Variants in ASTN2 observed in about 807,000 individuals in gnomAD.
ASTN2 encodes the protein astrotactin-2.
A neutral mutation model predicts 139.8 loss-of-function variants in ASTN2; 54 were observed. That is an observed-to-expected ratio of 0.39 (90% CI 0.31 to 0.48). ASTN2 has a LOEUF of 0.48. ASTN2 is among the 20% of genes least tolerant of loss of function. ASTN2 has a pLI of 0.95. For missense variants in ASTN2, 1,565 were observed against 1,725.1 expected (o/e 0.91, Z 1.64); for synonymous variants, 756 against 719.5 (o/e 1.05, Z -0.81).
At chr9:117,325,617 G>A (rs557050204) in intron 1 of ASTN2, among the ~76,000 whole-genome samples, 6 of 152,234 alleles carry the variant, frequency 3.9e-5, no homozygotes, top group East Asian at 3.9e-4. Flanking sequence ...GTGTCCTCAC[G>A]GAGACTGATA....
At chr9:116,867,773 A>T (rs1279450741) in intron 10 of ASTN2, among the ~76,000 whole-genome samples, 2 of 152,180 alleles carry the variant, frequency 1.3e-5, no homozygotes, top group Non-Finnish European at 2.9e-5. Context: ...CATTACTTAA[A>T]ACACAAAGAC....
intron 10 of ASTN2, among the ~76,000 whole-genome samples, chr9:116,887,500 G>A (rs369088509): frequency 4.6e-5 from 7 of 151,836 alleles, no homozygotes; most frequent in African/African-American, 1.7e-4. Flanking sequence ...AAGGCCCAGG[G>A]GCAGGGATGG....
intron 1 of ASTN2, among the ~76,000 whole-genome samples, chr9:117,324,445 G>T (rs147031918): frequency 1.6e-4 from 25 of 152,282 alleles, no homozygotes; most frequent in Admixed American, 1.6e-3. Context: ...TCACAAGGCA[G>T]CAGGAGAGAG....
chr9:116,998,272 A>G (rs1837079215), intron 7 of ASTN2, among the ~76,000 whole-genome samples: 1 of 152,212 alleles, frequency 6.6e-6, no homozygotes, highest in South Asian at 2.1e-4. Flanking sequence ...TCCCCAGTTG[A>G]GGCTCTCTGG....
intron 1 of ASTN2, among the ~76,000 whole-genome samples, chr9:117,398,084 ATGTG>A (rs142978231): frequency 6.6e-6 from 1 of 151,948 alleles, no homozygotes; most frequent in South Asian, 2.1e-4. Context: ...TATTATGTAT[ATGTG>A]TGTGTGTGTG....
chr9:117,190,871 AT>A lies in ASTN2; in HGVS notation c.1015+23486del, dbSNP rs549244729. Among the ~76,000 whole-genome samples the A allele has an allele frequency of 7.2e-3, 1,091 of 152,068 alleles. 15 individuals carry two copies. Among genetic ancestry groups the A allele is most frequent in the African/African-American group, 0.025 (1,033 of 41,512 alleles). ...TCTAATATATACATATATTTTGTTC[AT>A]TTGCTTATAGTCTTTCTGTGCTAGA... On this transcript the variant is annotated intron_variant, in intron 3 of 22. Transcript: ENST00000313400.
intron 22 of ASTN2, chr9:116,437,697 G>A: frequency 2.3e-6 from 1 of 427,114 alleles, no homozygotes; most frequent in Admixed American, 2.6e-5. Flanking sequence ...CTGTCCACAG[G>A]CAAGATGGCA....
intron 8 of ASTN2, 95 bp from the exon 9 acceptor site, chr9:116,976,283 C>G (rs903772116): frequency 1.1e-6 from 1 of 945,690 alleles, no homozygotes; most frequent in Non-Finnish European, 1.7e-6. Flanking sequence ...TTACAAACAA[C>G]CAAACTCTGC....
rs200038293 is a variant in ASTN2 at position 116,754,753 on chromosome 9, T to TA, written c.2397-21231dup. ...TTAGGAGCTGTTTAGTTCAATTACC[T>TA]AAAAAAAATAAAATAAAAATGCTGG... On this transcript the variant is annotated intron_variant, in intron 13 of 22. Transcript: ENST00000313400. 7.8e-3 allele frequency among the ~76,000 whole-genome samples: 1,189 copies of TA among 152,018 alleles called. 66 individuals are homozygous for TA. In the South Asian group the frequency reaches 0.16, roughly 21 times the overall value.
chr9:117,288,832 A>G (rs1177330784), intron 2 of ASTN2, among the ~76,000 whole-genome samples: 1 of 152,164 alleles, frequency 6.6e-6, no homozygotes, highest in Non-Finnish European at 1.5e-5. Flanking sequence ...GTATCCAACT[A>G]TGGAATAAAA....
chr9:116,529,409 G>A (rs1220120485), intron 19 of ASTN2, among the ~76,000 whole-genome samples: 1 of 152,152 alleles, frequency 6.6e-6, no homozygotes, highest in East Asian at 1.9e-4. Context: ...CCCAATGCCT[G>A]TATCCCCATT....
intron 10 of ASTN2, among the ~76,000 whole-genome samples, chr9:116,898,119 G>A (rs1046456311): frequency 6.6e-6 from 1 of 152,110 alleles, no homozygotes; most frequent in Non-Finnish European, 1.5e-5. Flanking sequence ...TGTGGAAGGA[G>A]TTTGAAGCTG....
intron 6 of ASTN2, among the ~76,000 whole-genome samples, chr9:117,017,072 A>G (rs1837735535): frequency 6.6e-6 from 1 of 151,890 alleles, no homozygotes; most frequent in African/African-American, 2.4e-5. Flanking sequence ...AAAGGTTTGA[A>G]GTTTTGACGT....
intron 1 of ASTN2, among the ~76,000 whole-genome samples, chr9:117,306,604 T>A (rs1835005433): frequency 1.3e-5 from 2 of 152,220 alleles, no homozygotes; most frequent in African/African-American, 2.4e-5. Context: ...TTAGTAAAGA[T>A]GCTTTGATCT....
In ASTN2 at chr9:117,066,518, A is replaced by C. The variant is rs915909994; in HGVS notation, c.1277-26553T>G. Among the ~76,000 whole-genome samples the C allele has an allele frequency of 6.0e-5, 9 of 150,258 alleles. 1 individual carries two copies. The highest frequency in any genetic ancestry group is 4.3e-4 in the South Asian group (2 of 4,636). On this transcript the variant is annotated intron_variant, in intron 5 of 22. Transcript: ENST00000313400. Reference sequence around the variant, plus strand: ...CTTTATACTAGCATGACTTATAGTCATTTGGGTATATACCCAGTAATGGGA... The same window carrying C: ...CTTTATACTAGCATGACTTATAGTCCTTTGGGTATATACCCAGTAATGGGA...
At chr9:116,828,936 T>A (rs1248033794) in intron 11 of ASTN2, among the ~76,000 whole-genome samples, 1 of 152,052 alleles carries the variant, frequency 6.6e-6, no homozygotes, top group African/African-American at 2.4e-5. Context: ...ATAAAATATC[T>A]AGGAATATAT....
At chr9:116,709,863 C>G (rs1828098436) in intron 16 of ASTN2, among the ~76,000 whole-genome samples, 1 of 152,190 alleles carries the variant, frequency 6.6e-6, no homozygotes, top group Non-Finnish European at 1.5e-5. Context: ...TTACCAGCCT[C>G]AGGCTGCAGG....
chr9:116,481,843 C>T (rs907751497), intron 20 of ASTN2, among the ~76,000 whole-genome samples: 2 of 152,172 alleles, frequency 1.3e-5, no homozygotes, highest in African/African-American at 4.8e-5. Flanking sequence ...TTAGGAAGTT[C>T]TCTTCCACTC....
Position 116,805,670 on chromosome 9 carries a change from C to T in ASTN2, c.2358G>A (p.Gln786=). Residue 786 remains glutamine, a synonymous_variant, in exon 13 of 23, where the codon CAG becomes CAA. Transcript: ENST00000313400. The part of the protein sequence containing the change: ...EMLHGYNNRT[Q]HVNQGQVFQM... ...GGAAGACTTGGCCTTGGTTCACATG[C>T]TGGGTCCGGTTGTTGTAACCATGTA... is the stretch of plus-strand genomic sequence containing the variant. 1 of 1,613,922 alleles carries T rather than the reference C, an allele frequency of 6.2e-7. No individual in the cohort carries two copies.
Sources: allele counts gnomAD v4.1 joint callset (sites outside exome capture counted in the v4.1 genomes callset), GRCh38; gene constraint gnomAD v4.1.1; transcripts MANE v1.5; gene names NCBI Gene and HGNC (gene_info 2026-07-23, HGNC 2026-07-21).